Variants in NDUFB7 observed in about 807,000 individuals in gnomAD.
The protein encoded by NDUFB7 is NADH:ubiquinone oxidoreductase subunit B7.
NDUFB7 carries 18 observed loss-of-function variants against 14.7 expected under a neutral mutation model. The ratio of observed to expected loss-of-function variants is 1.22; its 90% CI spans 0.85 to 1.81. NDUFB7 has a LOEUF of 1.81. Ranked by LOEUF, NDUFB7 falls within the 40% of genes most tolerant of loss-of-function variation. NDUFB7 has a pLI of 0.00. For missense variants in NDUFB7, 219 were observed against 195.0 expected, an observed-to-expected ratio of 1.12 and a Z score of -0.73; for synonymous variants, 86 against 76.1, an observed-to-expected ratio of 1.13 and a Z score of -0.68.
rs566712908 is a variant in NDUFB7 at position 14,567,704 on chromosome 19, C to T, written c.113-771G>A. Reference sequence around the variant, plus strand: ...GCCTCCCTAGCCCTCCTGACGTCCACCACATCTTTCTCGGTCCCAGCTCCT... The same window carrying T: ...GCCTCCCTAGCCCTCCTGACGTCCATCACATCTTTCTCGGTCCCAGCTCCT... On this transcript the variant is annotated intron_variant, in intron 1 of 2. Transcript: ENST00000215565. This position sits in a 1 kb window ranked among gnomAD's most constrained non-coding sequence, Gnocchi z 5.1. Among the ~76,000 whole-genome samples, 2 of 152,076 alleles carry T rather than the reference C, an allele frequency of 1.3e-5. No individual in the cohort carries two copies. The highest frequency in any genetic ancestry group is 4.8e-5 in the African/African-American group (2 of 41,404).
At chr19:14,571,850 C>T (rs2074126935) in intron 1 of NDUFB7, 39 bp downstream of exon 1, 40 of 1,573,400 alleles carry the variant, frequency 2.5e-5, no homozygotes, top group Non-Finnish European at 3.5e-5. Context: ...GGCACCCGCG[C>T]CCCACGCCCT....
intron 1 of NDUFB7, among the ~76,000 whole-genome samples, chr19:14,570,206 T>C (rs1333032700): frequency 6.8e-6 from 1 of 146,216 alleles, no homozygotes; most frequent in African/African-American, 2.5e-5. Flanking sequence ...TTAATTTTTG[T>C]ATTTTGTTTT....
rs562699337 is a variant in NDUFB7, at chr19:14,566,125, T to G, written c.*8A>C. Reference sequence around the variant, plus strand: ...TTTGACTGGTCCATAGGGTGGGGGGTGCACCCCCTACAGGGCCACCTTGGG... The same window carrying G: ...TTTGACTGGTCCATAGGGTGGGGGGGGCACCCCCTACAGGGCCACCTTGGG... On this transcript the variant is annotated 3_prime_UTR_variant, in exon 3 of 3. Coordinates refer to ENST00000215565, the MANE Select transcript of NDUFB7 (RefSeq NM_004146.6). 1.8e-5 allele frequency: 29 copies of G among 1,605,334 alleles called. No homozygotes were observed. In the African/African-American group the frequency reaches 3.1e-4, roughly 17 times the overall value.
chr19:14,566,989 G>A, intron 1 of NDUFB7, 56 bp from the exon 2 acceptor site: 1 of 1,504,728 alleles, frequency 6.6e-7, no homozygotes, highest in Non-Finnish European at 8.9e-7. Flanking sequence ...CCAATTCCGG[G>A]GATCCCCAGG....
chr19:14,569,849 T>G (rs1481945197), intron 1 of NDUFB7, among the ~76,000 whole-genome samples: 1 of 152,196 alleles, frequency 6.6e-6, no homozygotes, highest in African/African-American at 2.4e-5. Context: ...CTCTGCCACC[T>G]CTCTTTGGTC....
At chr19:14,570,947 C>T (rs954990425) in intron 1 of NDUFB7, among the ~76,000 whole-genome samples, 2 of 152,020 alleles carry the variant, frequency 1.3e-5, no homozygotes, top group Admixed American at 6.6e-5. Context: ...CGTTTGAGCC[C>T]AGGAGTTTGA....
At chr19:14,566,684 T>C (rs1599513012) in intron 2 of NDUFB7, 81 bp downstream of exon 2, 2 of 858,160 alleles carry the variant, frequency 2.3e-6, no homozygotes, top group South Asian at 1.8e-5. Flanking sequence ...GTGGGGGGCT[T>C]GGGTGGGCCA....
At position 14,567,165 on chromosome 19, in the gene NDUFB7, G is replaced by A. The variant is rs945695015; in HGVS notation, c.113-232C>T. ...AGACACCAAGGGCCAGACAGGAGAA[G>A]GTGGCTCCCCATCACCCTGAGGCAC... On this transcript the variant is annotated intron_variant, in intron 1 of 2. Transcript: ENST00000215565. This position sits in a 1 kb window ranked among gnomAD's most constrained non-coding sequence, Gnocchi z 5.1. Among the ~76,000 whole-genome samples the A allele has an allele frequency of 6.6e-6, 1 of 152,068 alleles. No homozygotes were observed. The highest frequency in any genetic ancestry group is 1.5e-5 in the Non-Finnish European group (1 of 67,998).
In NDUFB7 at chr19:14,566,662, CGGGCTGGGCATGTGGGGGGCTTGGGT is replaced by C. The variant is rs1184159739; in HGVS notation, c.281+77_281+102del. The C allele has an allele frequency of 4.0e-3, 2,926 of 732,236 alleles. 48 individuals carry two copies. The African/African-American group carries it at 0.081, about 20-fold the overall frequency. The allele number at this position is 732,236 out of a possible 1,614,324, so 45.4% of individuals were successfully genotyped here. ...GGCGGGGGTGGGAGGGGGGCTTGGG[CGGGCTGGGCATGTGGGGGGCTTGGGT>C]GGGCCAGGGGTGTGGAAGGCTGGGG... On this transcript the variant is annotated intron_variant, in intron 2 of 2. Transcript: ENST00000215565.
In NDUFB7 at chr19:14,566,868, C is replaced by A. The variant is rs776667056; in HGVS notation, c.178G>T (p.Ala60Ser). 1 of 1,573,544 alleles carries A rather than the reference C, an allele frequency of 6.4e-7. No homozygotes were observed. The highest frequency in any genetic ancestry group is 8.6e-7 in the Non-Finnish European group (1 of 1,162,308). The change falls in exon 2 of 3, where the codon GCC becomes TCC. Residue 60 changes from alanine to serine, a missense_variant. Ala to Ser is a moderately conservative substitution (Grantham distance 99). Transcript: ENST00000215565. ...TTGAGCAGCCGGATGAGGTGGTGGG[C>A]GCAGTAGTCCCGCAGCTGGAGCCTC... ...QLRLQLRDYC[A>S]HHLIRLLKCK...
intron 1 of NDUFB7, among the ~76,000 whole-genome samples, chr19:14,569,485 C>T (rs1358333467): frequency 1.3e-5 from 2 of 152,078 alleles, no homozygotes; most frequent in East Asian, 3.9e-4. Flanking sequence ...CCCCGCCCCC[C>T]ATTATGTTCA....
intron 1 of NDUFB7, among the ~76,000 whole-genome samples, chr19:14,570,390 CAG>C (rs2074117832): frequency 6.6e-6 from 1 of 152,056 alleles, no homozygotes; most frequent in Non-Finnish European, 1.5e-5. Flanking sequence ...TTAGTAGAGA[CAG>C]GGTTTCACCA....
intron 1 of NDUFB7, among the ~76,000 whole-genome samples, chr19:14,568,388 C>T (rs1017336268): frequency 6.6e-6 from 1 of 152,128 alleles, no homozygotes; most frequent in African/African-American, 2.4e-5. Context: ...TAGATGAGCC[C>T]GATGTGGTCC....
intron 2 of NDUFB7, among the ~76,000 whole-genome samples, 158 bp downstream of exon 2, chr19:14,566,607 G>GA (rs2074088229): frequency 0.014 from 1 of 72 alleles, no homozygotes. Context: ...CCAGGGGCCA[G>GA]GCCTGGGTGG....
intron 1 of NDUFB7, among the ~76,000 whole-genome samples, chr19:14,569,885 C>CTTTGT (rs576997220): frequency 1.4e-4 from 22 of 152,240 alleles, no homozygotes; most frequent in African/African-American, 2.9e-4. Context: ...CCCTTCACAT[C>CTTTGT]TTTGTTTTGT....
At chr19:14,569,766 G>A (rs1568437859) in intron 1 of NDUFB7, among the ~76,000 whole-genome samples, 2 of 152,100 alleles carry the variant, frequency 1.3e-5, no homozygotes, top group East Asian at 1.9e-4. Flanking sequence ...CAAGCTTGTC[G>A]CCCACTCAGT....
At chr19:14,571,205 C>G (rs1421718202) in intron 1 of NDUFB7, among the ~76,000 whole-genome samples, 2 of 152,164 alleles carry the variant, frequency 1.3e-5, no homozygotes, top group African/African-American at 4.8e-5. Context: ...CTCGAATCTT[C>G]CTTATTTCCT....
chr19:14,569,552 AAG>A (rs1568437778), intron 1 of NDUFB7, among the ~76,000 whole-genome samples: 1 of 152,134 alleles, frequency 6.6e-6, no homozygotes, highest in Non-Finnish European at 1.5e-5. Context: ...CAGAGTAAGC[AAG>A]AGAGAAGGGC....
chr19:14,570,048 C>T (rs2146643894), intron 1 of NDUFB7, among the ~76,000 whole-genome samples: 1 of 152,056 alleles, frequency 6.6e-6, no homozygotes, highest in East Asian at 1.9e-4. Context: ...TGCGCCACCA[C>T]ACCTGGCTAA....
Sources: gnomAD v4.1 joint callset for allele counts (sites outside exome capture counted in the v4.1 genomes callset) on GRCh38, gnomAD v4.1.1 for gene constraint, Gnocchi (gnomAD v3.1) non-coding constraint, MANE v1.5 for transcripts, NCBI Gene and HGNC (gene_info 2026-07-23, HGNC 2026-07-21) for gene names.